SH3PXD2A: variants seen among roughly 807,000 people sequenced by gnomAD.
SH3PXD2A encodes the protein SH3 and PX domains 2A, also known as SH3 and PX domain-containing protein 2A.
In SH3PXD2A, 32 loss-of-function variants were observed where a neutral mutation model predicts 115.2. The observed-to-expected ratio is 0.28, with a 90% CI of 0.21 to 0.37. SH3PXD2A has a LOEUF of 0.37. Among genes scored for constraint, SH3PXD2A ranks in the 10% least tolerant of loss-of-function variants. The pLI is 1.00. For synonymous variants in SH3PXD2A, 610 were observed against 629.1 expected (o/e 0.97, Z 0.45); for missense variants, 1,328 against 1,498.7 (o/e 0.89, Z 1.88).
chr10:103,837,924 G>A (rs2039561446), intron 1 of SH3PXD2A, among the ~76,000 whole-genome samples: 1 of 152,086 alleles, frequency 6.6e-6, no homozygotes, highest in African/African-American at 2.4e-5. Flanking sequence ...GCCGCCTCTT[G>A]GGGCCCTCGC....
intron 9 of SH3PXD2A, among the ~76,000 whole-genome samples, chr10:103,623,502 C>T (rs955651604): frequency 6.6e-6 from 1 of 152,064 alleles, no homozygotes; most frequent in African/African-American, 2.4e-5. Flanking sequence ...GCCAGGCTGC[C>T]CGGGTCTGGG....
At chr10:103,622,443 G>A in intron 10 of SH3PXD2A, 27 bp downstream of exon 10, 1 of 1,472,008 alleles carries the variant, frequency 6.8e-7, no homozygotes, top group South Asian at 1.2e-5. Context: ...TCGCTGCGAG[G>A]GAGGAGAAGC....
At chr10:103,715,871 C>T (rs1044473008) in intron 5 of SH3PXD2A, among the ~76,000 whole-genome samples, 4 of 152,198 alleles carry the variant, frequency 2.6e-5, no homozygotes, top group Non-Finnish European at 5.9e-5. Context: ...CGTCTTCCTA[C>T]GGGAACCCTG....
intron 8 of SH3PXD2A, among the ~76,000 whole-genome samples, chr10:103,652,699 C>T (rs1031767343): frequency 6.6e-6 from 1 of 152,120 alleles, no homozygotes; most frequent in African/African-American, 2.4e-5. Context: ...CTTTTCCCTG[C>T]ACTTCAGCCG....
At chr10:103,676,007 C>G (rs10883897) in intron 6 of SH3PXD2A, among the ~76,000 whole-genome samples, 2 of 151,664 alleles carry the variant, frequency 1.3e-5, no homozygotes, top group Non-Finnish European at 2.9e-5. Flanking sequence ...CCATTGCACT[C>G]CAGCCTGGGC....
intron 1 of SH3PXD2A, among the ~76,000 whole-genome samples, chr10:103,811,737 G>A: frequency 6.6e-6 from 1 of 152,210 alleles, no homozygotes; most frequent in East Asian, 1.9e-4. Flanking sequence ...CCGCCCATGA[G>A]GCAGGTGGCT....
chr10:103,689,578 C>A (rs2037721711), intron 6 of SH3PXD2A, among the ~76,000 whole-genome samples: 3 of 152,020 alleles, frequency 2.0e-5, no homozygotes, highest in Admixed American at 2.0e-4. Context: ...GGCAAGAGAA[C>A]CACTTGAACC....
intron 7 of SH3PXD2A, among the ~76,000 whole-genome samples, chr10:103,664,649 A>C (rs1299965551): frequency 6.8e-6 from 1 of 147,958 alleles, no homozygotes; most frequent in African/African-American, 2.5e-5. Context: ...TAAAGACTAG[A>C]GTATGGGTTT....
At chr10:103,694,167 A>C (rs897703228) in intron 5 of SH3PXD2A, among the ~76,000 whole-genome samples, 16 of 151,994 alleles carry the variant, frequency 1.1e-4, no homozygotes, top group Non-Finnish European at 1.9e-4. Flanking sequence ...CTCTCTCCGG[A>C]GTCCGAAGGA....
At chr10:103,633,327 A>G (rs1343441672) in intron 8 of SH3PXD2A, among the ~76,000 whole-genome samples, 1 of 151,788 alleles carries the variant, frequency 6.6e-6, no homozygotes, top group Non-Finnish European at 1.5e-5. Context: ...GAGGCATGAG[A>G]ATCACTTGAG....
chr10:103,651,554 G>A (rs899651156), intron 8 of SH3PXD2A, among the ~76,000 whole-genome samples: 2 of 152,232 alleles, frequency 1.3e-5, no homozygotes, highest in Admixed American at 6.5e-5. Context: ...TCAAATGGCA[G>A]TGACTGAAGC....
intron 3 of SH3PXD2A, among the ~76,000 whole-genome samples, chr10:103,745,800 G>C (rs2038495548): frequency 6.6e-6 from 1 of 152,110 alleles, no homozygotes; most frequent in Non-Finnish European, 1.5e-5. Flanking sequence ...CTCCCACACG[G>C]CTTCCGTTTC....
chr10:103,843,950 C>A lies in SH3PXD2A; in HGVS notation c.72+11245G>T, dbSNP rs141240026. ...GCCTGCATCTAAAATGGACTCCACC[C>A]ATACATTCTCTAACCTGACATCCCC... On this transcript the variant is annotated intron_variant, in intron 1 of 14. Coordinates refer to ENST00000369774, the MANE Select transcript of SH3PXD2A (RefSeq NM_001394015.1). Among the ~76,000 whole-genome samples, 1,129 of 152,290 alleles carry A rather than the reference C, an allele frequency of 7.4e-3. 9 individuals are homozygous for A. The highest frequency in any genetic ancestry group is 0.012 in the Non-Finnish European group (842 of 68,020).
At chr10:103,820,529 C>T (rs2039367997) in intron 1 of SH3PXD2A, among the ~76,000 whole-genome samples, 1 of 152,160 alleles carries the variant, frequency 6.6e-6, no homozygotes, top group Non-Finnish European at 1.5e-5. Context: ...CCCAGTGCCC[C>T]CTCAAAGTCA....
chr10:103,828,867 C>T (rs1400857714), intron 1 of SH3PXD2A, among the ~76,000 whole-genome samples: 1 of 152,206 alleles, frequency 6.6e-6, no homozygotes, highest in African/African-American at 2.4e-5. Flanking sequence ...ACGATACATA[C>T]GTTGGTGCAT....
chr10:103,701,135 A>G (rs887630537), intron 5 of SH3PXD2A, among the ~76,000 whole-genome samples: 2 of 50,564 alleles, frequency 4.0e-5, no homozygotes, highest in African/African-American at 2.0e-4. Context: ...TCCATCCATC[A>G]TCCATCCACT....
At position 103,696,830 on chromosome 10, in the gene SH3PXD2A, A is replaced by G. The variant is rs551249664; in HGVS notation, c.399-3774T>C. Reference sequence around the variant, plus strand: ...CAGGGGTGACTCAAACCACAGGTACAGTGACCCACAGTCCCAGGAAAACAG... The same window carrying G: ...CAGGGGTGACTCAAACCACAGGTACGGTGACCCACAGTCCCAGGAAAACAG... On this transcript the variant is annotated intron_variant, in intron 5 of 14. Transcript: ENST00000369774. Among the ~76,000 whole-genome samples, 12 of 152,346 alleles carry G rather than the reference A, an allele frequency of 7.9e-5. No homozygotes were observed. The South Asian group carries it at 2.1e-3, about 26-fold the overall frequency.
intron 1 of SH3PXD2A, among the ~76,000 whole-genome samples, chr10:103,805,173 C>G (rs2039189356): frequency 6.6e-6 from 1 of 152,220 alleles, no homozygotes; most frequent in African/African-American, 2.4e-5. Context: ...CCCTTCACCT[C>G]CCAGAGAGAA....
chr10:103,742,168 A>G lies in SH3PXD2A; in HGVS notation c.230-6360T>C, dbSNP rs192115181. ...TCTCAAATCAAACAACAACCCAGGAATGTATTCTCTGCCAGTTCTGGAGGT... is the reference window on the plus strand; with the variant it reads ...TCTCAAATCAAACAACAACCCAGGAGTGTATTCTCTGCCAGTTCTGGAGGT... On this transcript the variant is annotated intron_variant, in intron 3 of 14. Transcript: ENST00000369774. Among the ~76,000 whole-genome samples, 54 of 152,274 alleles carry G rather than the reference A, an allele frequency of 3.5e-4. No homozygotes were observed. In the Middle Eastern group the frequency reaches 0.01, roughly 29 times the overall value.
Sources: allele counts gnomAD v4.1 joint callset (sites outside exome capture counted in the v4.1 genomes callset), GRCh38; gene constraint gnomAD v4.1.1; transcripts MANE v1.5; gene names NCBI Gene and HGNC (gene_info 2026-07-23, HGNC 2026-07-21).